The following FBRSL1 variants were observed in gnomAD, a reference collection of about 807,000 sequenced individuals.
FBRSL1 encodes fibrosin like 1, also known as fibrosin-1-like protein.
Under a neutral mutation model 89.6 loss-of-function variants are expected in FBRSL1, and 51 were observed. The ratio of observed to expected loss-of-function variants is 0.57; its 90% CI spans 0.45 to 0.72. FBRSL1 has a LOEUF of 0.72. Among genes scored for constraint, FBRSL1 ranks in the 30% least tolerant of loss-of-function variants. The pLI is 0.00. For missense variants in FBRSL1, 1,618 were observed against 1,451.8 expected (o/e 1.11, Z -1.86); for synonymous variants, 779 against 681.1 (o/e 1.14, Z -2.24).
At chr12:132,567,310 C>T (rs998813155) in intron 5 of FBRSL1, among the ~76,000 whole-genome samples, 171 bp from the exon 6 acceptor site, 6 of 152,194 alleles carry the variant, frequency 3.9e-5, no homozygotes, top group African/African-American at 1.2e-4. Flanking sequence ...TATACACATG[C>T]GTGGAGCTCA....
intron 1 of FBRSL1, among the ~76,000 whole-genome samples, chr12:132,505,033 G>A (rs1389593560): frequency 6.6e-6 from 1 of 152,202 alleles, no homozygotes; most frequent in Admixed American, 6.5e-5. Flanking sequence ...GGCTGAGGCA[G>A]GAGAATTGCT....
intron 1 of FBRSL1, among the ~76,000 whole-genome samples, chr12:132,506,433 C>G (rs932334021): frequency 6.6e-5 from 10 of 152,216 alleles, no homozygotes; most frequent in Non-Finnish European, 2.9e-5. Context: ...CCACCCGGTC[C>G]CGCCTCCTCA....
rs4304862 is a variant in FBRSL1 at position 132,499,460 on chromosome 12, G to A, written c.291+8599G>A. 0.89 allele frequency among the ~76,000 whole-genome samples: 135,827 copies of A among 152,292 alleles called. 61,654 individuals carry two copies. The highest frequency in any genetic ancestry group is 0.99 in the Non-Finnish European group (67,190 of 68,028). On this transcript the variant is annotated intron_variant, in intron 1 of 18. Coordinates refer to ENST00000680143, the MANE Select transcript of FBRSL1 (RefSeq NM_001367871.1). This position sits in a 1 kb window ranked among gnomAD's most constrained non-coding sequence, Gnocchi z 4.3. ...CCGGCTGTGTGCCAGGCCCTGGGCC[G>A]GCCCCCAAGATACACCCACAGGCCC...
intron 2 of FBRSL1, chr12:132,509,714 C>G: frequency 2.4e-6 from 3 of 1,231,406 alleles, no homozygotes; most frequent in East Asian, 3.2e-5. Flanking sequence ...TGTGGCACCG[C>G]TGCCGACCCC....
intron 2 of FBRSL1, chr12:132,511,738 C>T (rs2034362907): frequency 1.2e-5 from 12 of 985,452 alleles, no homozygotes; most frequent in Non-Finnish European, 1.4e-5. Flanking sequence ...CCTCCAGCAC[C>T]CCGCACTTGC....
chr12:132,500,104 C>T (rs763950901), intron 1 of FBRSL1, among the ~76,000 whole-genome samples: 8 of 152,172 alleles, frequency 5.3e-5, no homozygotes, highest in South Asian at 2.1e-4. Context: ...CAGGAGGCGC[C>T]GGCACTGCCC....
intron 2 of FBRSL1, chr12:132,511,825 C>A: frequency 1.0e-6 from 1 of 983,644 alleles, no homozygotes; most frequent in Non-Finnish European, 1.2e-6. Flanking sequence ...GGCCTCCGGG[C>A]CCCCTCGCTC....
At chr12:132,491,495 C>G (rs150761668) in intron 1 of FBRSL1, among the ~76,000 whole-genome samples, 1 of 152,264 alleles carries the variant, frequency 6.6e-6, no homozygotes, top group Non-Finnish European at 1.5e-5. Flanking sequence ...CAGGCGCTGT[C>G]TCCCCAGGAC....
intron 4 of FBRSL1, among the ~76,000 whole-genome samples, chr12:132,531,621 TTG>T (rs1491143797): frequency 6.6e-6 from 1 of 152,070 alleles, no homozygotes; most frequent in Non-Finnish European, 1.5e-5. Flanking sequence ...GCATGTGGCA[TTG>T]TGTTGTGCAC....
intron 1 of FBRSL1, among the ~76,000 whole-genome samples, chr12:132,493,760 G>A (rs1166035312): frequency 6.6e-6 from 1 of 152,220 alleles, no homozygotes; most frequent in Non-Finnish European, 1.5e-5. Context: ...CCCGGGGCAG[G>A]CCCCCAGCAT....
At chr12:132,520,764 A>G (rs1308201684) in intron 2 of FBRSL1, among the ~76,000 whole-genome samples, 1 of 152,146 alleles carries the variant, frequency 6.6e-6, no homozygotes, top group African/African-American at 2.4e-5. Context: ...GTCATCATCC[A>G]TGGCTCAACC....
chr12:132,499,358 G>A lies in FBRSL1; in HGVS notation c.291+8497G>A, dbSNP rs1017898178. Among the ~76,000 whole-genome samples the A allele has an allele frequency of 7.2e-5, 11 of 152,068 alleles. No homozygotes were observed. The highest frequency in any genetic ancestry group is 5.2e-4 in the Admixed American group (8 of 15,274). Reference sequence around the variant, plus strand: ...GTGCTGGACCTCTGGGAGAGGCCAGGTGAGCCGCTGGCCAGCAGGGAAGGG... The same window carrying A: ...GTGCTGGACCTCTGGGAGAGGCCAGATGAGCCGCTGGCCAGCAGGGAAGGG... On this transcript the variant is annotated intron_variant, in intron 1 of 18. Coordinates refer to ENST00000680143, the MANE Select transcript of FBRSL1 (RefSeq NM_001367871.1). The surrounding 1 kb of genome is among the most constrained non-coding windows in gnomAD (Gnocchi z 4.3).
At chr12:132,574,710 G>A (rs2040266785) in intron 14 of FBRSL1, 146 bp downstream of exon 14, 4 of 1,105,256 alleles carry the variant, frequency 3.6e-6, no homozygotes, top group Non-Finnish European at 5.0e-6. Context: ...CCTTCCTCTG[G>A]GTACTGGGCT....
At chr12:132,541,196 C>T (rs2037236463) in intron 4 of FBRSL1, among the ~76,000 whole-genome samples, 1 of 151,968 alleles carries the variant, frequency 6.6e-6, no homozygotes. Flanking sequence ...TACCCCGAGG[C>T]ACGTCAGGTG....
intron 15 of FBRSL1, among the ~76,000 whole-genome samples, chr12:132,578,368 A>ACACACACACACACACACACACAC (rs1566244750): frequency 2.3e-4 from 6 of 26,548 alleles, no homozygotes; most frequent in East Asian, 5.4e-3. Flanking sequence ...CACACACACA[A>ACACACACACACACACACACACAC]AATCATAGAG....
At chr12:132,503,204 C>T (rs573215720) in intron 1 of FBRSL1, among the ~76,000 whole-genome samples, 47 of 152,106 alleles carry the variant, frequency 3.1e-4, no homozygotes, top group South Asian at 1.5e-3. Context: ...CAGCCAGCCC[C>T]GAGAGGCAGC....
intron 2 of FBRSL1, among the ~76,000 whole-genome samples, chr12:132,518,486 T>C (rs1315296492): frequency 1.3e-5 from 2 of 150,694 alleles, no homozygotes; most frequent in African/African-American, 2.5e-5. Flanking sequence ...CATCCACCCA[T>C]GTGTCCATCC....
At chr12:132,518,455 C>T (rs934596762) in intron 2 of FBRSL1, among the ~76,000 whole-genome samples, 1 of 150,862 alleles carries the variant, frequency 6.6e-6, no homozygotes. Context: ...TCTCATCCAT[C>T]CATCCACCCG....
Position 132,583,782 on chromosome 12 carries a change from C to G in FBRSL1, c.*4C>G. ...CCCGGAGGTGGAGGCGCGGTAGCCC[C>G]GGGGCCGCAGACGCCTCTCCGAGCG... On this transcript the variant is annotated 3_prime_UTR_variant, in exon 19 of 19. Coordinates refer to ENST00000680143, the MANE Select transcript of FBRSL1 (RefSeq NM_001367871.1). The G allele has an allele frequency of 8.2e-7, 1 of 1,213,078 alleles. No individual in the cohort carries two copies. Among genetic ancestry groups the G allele is most frequent in the East Asian group, 3.3e-5 (1 of 30,554 alleles). The allele number at this position is 1,213,078 out of a possible 1,614,324, so 75.1% of individuals were successfully genotyped here.
Sources: gnomAD v4.1 joint callset for allele counts (sites outside exome capture counted in the v4.1 genomes callset) on GRCh38, gnomAD v4.1.1 for gene constraint, Gnocchi (gnomAD v3.1) non-coding constraint, MANE v1.5 for transcripts, NCBI Gene and HGNC (gene_info 2026-07-23, HGNC 2026-07-21) for gene names.